The following ARHGAP15 variants were observed in gnomAD, a reference collection of about 807,000 sequenced individuals.
The protein encoded by ARHGAP15 is Rho GTPase activating protein 15.
Under a neutral mutation model 63.7 loss-of-function variants are expected in ARHGAP15, and 51 were observed. The ratio of observed to expected loss-of-function variants is 0.80; its 90% CI spans 0.64 to 1.01. ARHGAP15 has a LOEUF of 1.01. Ranked by LOEUF, ARHGAP15 falls within the 50% of genes least tolerant of loss-of-function variation. The probability of loss-of-function intolerance (pLI) is 0.00; values close to 1 mark genes in which losing one functional copy is unlikely to be tolerated. For missense variants in ARHGAP15, 560 were observed against 564.6 expected (o/e 0.99, Z 0.08); for synonymous variants, 191 against 193.8 (o/e 0.99, Z 0.12).
chr2:143,714,949 T>G (rs1684742299), intron 13 of ARHGAP15, among the ~76,000 whole-genome samples: 1 of 152,208 alleles, frequency 6.6e-6, no homozygotes, highest in Non-Finnish European at 1.5e-5. Context: ...TGCTCCAACC[T>G]CTGCCTGTTA....
chr2:143,205,679 C>T (rs1388585366), intron 3 of ARHGAP15, among the ~76,000 whole-genome samples: 3 of 152,096 alleles, frequency 2.0e-5, no homozygotes, highest in East Asian at 1.9e-4. Flanking sequence ...AAGTTGAACC[C>T]TTCATCAGTG....
intron 6 of ARHGAP15, among the ~76,000 whole-genome samples, chr2:143,323,938 G>A (rs191798088): frequency 1.4e-4 from 17 of 122,354 alleles, no homozygotes; most frequent in African/African-American, 5.1e-4. Flanking sequence ...TAAATAGGCA[G>A]ACAACGGGCC....
intron 2 of ARHGAP15, among the ~76,000 whole-genome samples, chr2:143,191,002 C>T (rs1388895346): frequency 2.0e-5 from 3 of 152,166 alleles, no homozygotes; most frequent in Non-Finnish European, 2.9e-5. Context: ...ATCTTTTGAC[C>T]TCATGATCCG....
intron 11 of ARHGAP15, among the ~76,000 whole-genome samples, chr2:143,563,156 C>A (rs1002456617): frequency 6.6e-6 from 1 of 152,154 alleles, no homozygotes; most frequent in Non-Finnish European, 1.5e-5. Context: ...CTTTAAATCA[C>A]CAACTCTTCA....
intron 6 of ARHGAP15, among the ~76,000 whole-genome samples, chr2:143,301,831 A>AGACAACATATATATGGG (rs1467866746): frequency 6.6e-6 from 1 of 151,620 alleles, no homozygotes; most frequent in African/African-American, 2.4e-5. Context: ...ATATATATGG[A>AGACAACATATATATGGG]GACAACATAT....
chr2:143,531,519 CT>C (rs1356301419), intron 10 of ARHGAP15, among the ~76,000 whole-genome samples: 5 of 152,126 alleles, frequency 3.3e-5, no homozygotes, highest in African/African-American at 4.8e-5. Context: ...GAAAAAAGAA[CT>C]TTTTTTCAGT....
chr2:143,664,796 C>G (rs191770461), intron 12 of ARHGAP15, among the ~76,000 whole-genome samples: 2 of 152,332 alleles, frequency 1.3e-5, no homozygotes, highest in East Asian at 3.9e-4. Flanking sequence ...CACCTCTACT[C>G]AAATAAACCA....
intron 6 of ARHGAP15, among the ~76,000 whole-genome samples, chr2:143,361,108 A>G (rs1385134737): frequency 2.6e-5 from 4 of 152,204 alleles, no homozygotes; most frequent in Non-Finnish European, 5.9e-5. Flanking sequence ...TTGCAGAGAG[A>G]GAAGCTATAT....
intron 10 of ARHGAP15, among the ~76,000 whole-genome samples, chr2:143,552,079 A>G (rs1000236650): frequency 1.3e-5 from 2 of 152,182 alleles, no homozygotes; most frequent in African/African-American, 4.8e-5. Context: ...CAGAAGTTCA[A>G]AGTATTGCGA....
At chr2:143,136,478 T>C (rs1689146939) in intron 1 of ARHGAP15, among the ~76,000 whole-genome samples, 1 of 152,122 alleles carries the variant, frequency 6.6e-6, no homozygotes, top group Non-Finnish European at 1.5e-5. Context: ...ACAAGAAGCA[T>C]ATGAAACAAT....
chr2:143,649,453 T>C (rs1681054917), intron 12 of ARHGAP15, among the ~76,000 whole-genome samples: 1 of 151,916 alleles, frequency 6.6e-6, no homozygotes. Context: ...TTATAAACAT[T>C]TTTTTTAGTT....
intron 6 of ARHGAP15, among the ~76,000 whole-genome samples, chr2:143,371,428 C>T (rs1244053707): frequency 1.3e-5 from 2 of 152,106 alleles, no homozygotes; most frequent in African/African-American, 2.4e-5. Flanking sequence ...GGCATATTGT[C>T]CGTCTTTCTA....
intron 2 of ARHGAP15, among the ~76,000 whole-genome samples, chr2:143,200,322 A>C (rs552286102): frequency 6.6e-6 from 1 of 151,550 alleles, no homozygotes; most frequent in South Asian, 2.1e-4. Flanking sequence ...CCTAGAGCAA[A>C]TGTGGGGTTC....
At chr2:143,366,527 T>C (rs1017225323) in intron 6 of ARHGAP15, among the ~76,000 whole-genome samples, 1 of 152,088 alleles carries the variant, frequency 6.6e-6, no homozygotes, top group Non-Finnish European at 1.5e-5. Flanking sequence ...ATTTTGCTCC[T>C]AGGTCAAAGT....
At chr2:143,421,725 T>G (rs1365099940) in intron 6 of ARHGAP15, among the ~76,000 whole-genome samples, 1 of 150,996 alleles carries the variant, frequency 6.6e-6, no homozygotes. Flanking sequence ...GTTTCAATTA[T>G]ATGATATATA....
At chr2:143,607,733 A>G (rs924215788) in intron 11 of ARHGAP15, 3 of 152,190 alleles carry the variant, frequency 2.0e-5, no homozygotes, top group African/African-American at 7.2e-5. Context: ...CCACAAGAAC[A>G]AGGGCAGCCT....
intron 11 of ARHGAP15, chr2:143,572,008 CA>C (rs1559057413): frequency 6.6e-6 from 1 of 152,254 alleles, no homozygotes; most frequent in African/African-American, 2.4e-5. Context: ...CTGCTTCTTC[CA>C]CTGTGTTCCC....
At chr2:143,509,866 C>CA (rs1693499788) in intron 9 of ARHGAP15, among the ~76,000 whole-genome samples, 1 of 151,524 alleles carries the variant, frequency 6.6e-6, no homozygotes, top group Non-Finnish European at 1.5e-5. Flanking sequence ...ACTAAAAATA[C>CA]AAAAATTAGC....
chr2:143,308,737 ATGT>A (rs1683296213), intron 6 of ARHGAP15, among the ~76,000 whole-genome samples: 1 of 152,028 alleles, frequency 6.6e-6, no homozygotes, highest in Admixed American at 6.6e-5. Context: ...GACCATTATA[ATGT>A]TATTATTACA....
Sources: allele counts gnomAD v4.1 joint callset (sites outside exome capture counted in the v4.1 genomes callset), GRCh38; gene constraint gnomAD v4.1.1; transcripts MANE v1.5; gene names NCBI Gene and HGNC (gene_info 2026-07-23, HGNC 2026-07-21).